The following EPB41L1 variants were observed in gnomAD, a reference collection of about 807,000 sequenced individuals.
EPB41L1 encodes band 4.1-like protein 1.
Under a neutral mutation model 97.8 loss-of-function variants are expected in EPB41L1, and 29 were observed. The observed-to-expected ratio is 0.30, with a 90% confidence interval of 0.22 to 0.40. EPB41L1 has a LOEUF of 0.40. Ranked by LOEUF, EPB41L1 falls within the 10% of genes least tolerant of loss-of-function variation. EPB41L1 has a pLI of 1.00. For synonymous variants in EPB41L1, 383 were observed against 459.2 expected, an observed-to-expected ratio of 0.83 and a Z score of 2.12; for missense variants, 812 against 1,162.3, an observed-to-expected ratio of 0.70 and a Z score of 4.38.
At chr20:36,196,621 T>G (rs1420379052) in intron 13 of EPB41L1, among the ~76,000 whole-genome samples, 1 of 152,202 alleles carries the variant, frequency 6.6e-6, no homozygotes, top group African/African-American at 2.4e-5. Context: ...CCATAGTGGA[T>G]CCTTGGGTAC....
At chr20:36,196,531 C>T (rs371497191) in intron 13 of EPB41L1, among the ~76,000 whole-genome samples, 2 of 152,280 alleles carry the variant, frequency 1.3e-5, no homozygotes, top group South Asian at 2.1e-4. Flanking sequence ...AAGGGATGCC[C>T]GAGGAACAGA....
chr20:36,097,310 T>C (rs1488384308), intron 1 of EPB41L1, among the ~76,000 whole-genome samples: 3 of 152,164 alleles, frequency 2.0e-5, no homozygotes, highest in Non-Finnish European at 4.4e-5. Context: ...ATGTACTAGC[T>C]GGGGGGACTA....
rs1342649509 is a variant in EPB41L1, at chr20:36,154,918, G to T, written c.-15+22G>T. 1.8e-6 allele frequency: 2 copies of T among 1,101,554 alleles called. No individual in the cohort carries two copies. Among genetic ancestry groups the T allele is most frequent in the Non-Finnish European group, 2.2e-6 (2 of 895,494 alleles). The allele number at this position is 1,101,554 out of a possible 1,614,324, so 68.2% of individuals were successfully genotyped here. On this transcript the variant is annotated intron_variant, in intron 1 of 21. Transcript: ENST00000338074. The surrounding 1 kb of genome is among the most constrained non-coding windows in gnomAD (Gnocchi z 5.5). ...CCAGGTAGGCACATGGGGGAATCAG[G>T]TGGCTCTCGGGGCCGGGGGCTTGCA...
In EPB41L1 at chr20:36,219,819, C is replaced by T; in HGVS notation, c.2414C>T (p.Thr805Ile). The change falls in exon 19 of 22, where the codon ACC becomes ATC. Residue 805 changes from threonine to isoleucine, a missense_variant. Thr to Ile is a moderately conservative substitution (Grantham distance 89, BLOSUM62 -1). Around this residue, in one of 3 missense-constraint regions of EPB41L1, gnomAD observed 498 missense variants for 622.7 expected, o/e 0.80. Coordinates refer to ENST00000338074, the MANE Select transcript of EPB41L1 (RefSeq NM_012156.2). ...TYGATAETLS[T>I]STTTHVTKTV... ...GGCGCCACTGCGGAAACCCTCTCAA[C>T]CTCCACCACCACCCATGTCACCAAA... The T allele has an allele frequency of 6.2e-7, 1 of 1,614,240 alleles. No individual in the cohort carries two copies. The highest frequency in any genetic ancestry group is 8.5e-7 in the Non-Finnish European group (1 of 1,180,038).
chr20:36,109,096 A>C (rs2058301166), intron 1 of EPB41L1, among the ~76,000 whole-genome samples: 1 of 151,796 alleles, frequency 6.6e-6, no homozygotes, highest in African/African-American at 2.4e-5. Flanking sequence ...GGCGCCTGCC[A>C]CCACGCCCGG....
Position 36,185,155 on chromosome 20 carries a change from C to T in EPB41L1, c.605C>T (p.Thr202Met), listed in dbSNP as rs377709134. The change falls in exon 7 of 22, where the codon ACG (threonine) becomes ATG (methionine). Residue 202 changes from threonine to methionine, a missense_variant. Physicochemically the swap from Thr to Met is moderately conservative, Grantham distance 81. Around this residue, in one of 3 missense-constraint regions of EPB41L1, gnomAD observed 230 missense variants for 445.2 expected, o/e 0.52. Transcript: ENST00000338074. ...LCLQLRADII[T>M]GRLPCSFVTH... Reference sequence around the variant, plus strand: ...CTGCAGCTGCGGGCAGACATCATCACGGGCCGGCTGCCATGCTCCTTTGTC... The same window carrying T: ...CTGCAGCTGCGGGCAGACATCATCATGGGCCGGCTGCCATGCTCCTTTGTC... 60 of 1,612,690 alleles carry T rather than the reference C, an allele frequency of 3.7e-5. No individual in the cohort carries two copies. Among genetic ancestry groups the T allele is most frequent in the African/African-American group, 1.9e-4 (14 of 74,886 alleles).
rs527730496 is a variant in EPB41L1, at chr20:36,182,026, G to C, written c.491-246G>C. ...TGTAAAGCAATTAACAGTGTGCCTG[G>C]CATGCAGCGTCAGTTTTCTTTCTTT... On this transcript the variant is annotated intron_variant, in intron 5 of 21. Coordinates refer to ENST00000338074, the MANE Select transcript of EPB41L1 (RefSeq NM_012156.2). Among the ~76,000 whole-genome samples, 79 of 152,296 alleles carry C rather than the reference G, an allele frequency of 5.2e-4. 1 individual carries two copies. Among genetic ancestry groups the C allele is most frequent in the African/African-American group, 1.9e-3 (78 of 41,548 alleles).
chr20:36,169,932 C>T (rs960981511), intron 1 of EPB41L1, among the ~76,000 whole-genome samples: 3 of 152,216 alleles, frequency 2.0e-5, no homozygotes, highest in African/African-American at 7.2e-5. Flanking sequence ...GGAACCAGCA[C>T]GTGCTTCCCT....
upstream of EPB41L1, among the ~76,000 whole-genome samples, chr20:36,150,061 GGTTTTTTT>G (rs1173385712): frequency 1.3e-5 from 2 of 151,632 alleles, no homozygotes; most frequent in African/African-American, 4.8e-5. Flanking sequence ...ACATTCATAA[GGTTTTTTT>G]GTTTTTTTTT....
At chr20:36,229,299 C>A (rs1381923300) in intron 21 of EPB41L1, 33 bp from the exon 22 acceptor site, 3 of 1,573,824 alleles carry the variant, frequency 1.9e-6, no homozygotes, top group Non-Finnish European at 2.6e-6. Context: ...CCACTCCCCA[C>A]CCCCCATTCT....
rs551762856 is a variant in EPB41L1, at chr20:36,202,684, G to A, written c.1668+4643G>A. ...AATAATAAGCTGGGCGTGGTGGCGCGTGCCTGTAATCCTAGCTACTGGGGA... is the reference window on the plus strand; with the variant it reads ...AATAATAAGCTGGGCGTGGTGGCGCATGCCTGTAATCCTAGCTACTGGGGA... On this transcript the variant is annotated intron_variant, in intron 14 of 21. Coordinates refer to ENST00000338074, the MANE Select transcript of EPB41L1 (RefSeq NM_012156.2). Among the ~76,000 whole-genome samples the A allele has an allele frequency of 1.6e-4, 24 of 151,802 alleles. 1 individual carries two copies. The South Asian group carries it at 3.5e-3, about 22-fold the overall frequency.
chr20:36,192,846 A>G (rs1764991563), intron 11 of EPB41L1, among the ~76,000 whole-genome samples: 2 of 152,200 alleles, frequency 1.3e-5, no homozygotes, highest in Admixed American at 1.3e-4. Flanking sequence ...AGGGACAGAA[A>G]TGGCTCTGCA....
In EPB41L1 at chr20:36,207,340, A is replaced by G; in HGVS notation, c.1669-2148A>G. 1 of 1,287,384 alleles carries G rather than the reference A, an allele frequency of 7.8e-7. No individual in the cohort carries two copies. Among genetic ancestry groups the G allele is most frequent in the Non-Finnish European group, 1.0e-6 (1 of 987,220 alleles). 79.7% of individuals were successfully genotyped at this position (1,287,384 alleles called of 1,614,324 possible). On this transcript the variant is annotated intron_variant, in intron 14 of 21. Coordinates refer to ENST00000338074, the MANE Select transcript of EPB41L1 (RefSeq NM_012156.2). This position sits in a 1 kb window ranked among gnomAD's most constrained non-coding sequence, Gnocchi z 4.9. ...AGTCCCTGAAGAAGCTGAGGGGCGC[A>G]TACCTCTGGGGTTTGGGTTCCCTTC...
intron 2 of EPB41L1, among the ~76,000 whole-genome samples, chr20:36,136,732 C>T (rs1460776402): frequency 2.0e-5 from 3 of 150,180 alleles, no homozygotes; most frequent in African/African-American, 7.5e-5. Flanking sequence ...GCTACAGGTG[C>T]ATACCGTGGT....
rs1207270273 is a variant in EPB41L1 at position 36,093,097 on chromosome 20, TGTGTGCGCCGG to T, written c.-65+1492_-65+1502del. The T allele has an allele frequency of 1.3e-5, 2 of 152,998 alleles. No individual in the cohort carries two copies. Among genetic ancestry groups the T allele is most frequent in the African/African-American group, 4.8e-5 (2 of 41,382 alleles). The allele number at this position is 152,998 out of a possible 1,614,324, so 9.5% of individuals were successfully genotyped here. A position where few individuals can be genotyped will look rare whatever the true frequency, so the allele number is the denominator to read the frequency against. The stretch of plus-strand genomic sequence containing the variant: ...GCTGCTCGGTGTGCGCGCGCGTGCG[TGTGTGCGCCGG>T]GTGTGCATCTGTGTGTGCGTGTGTG... On this transcript the variant is annotated intron_variant, in intron 1 of 19. Transcript: ENST00000202028. This position sits in a 1 kb window ranked among gnomAD's most constrained non-coding sequence, Gnocchi z 5.4.
At chr20:36,185,383 A>T in intron 7 of EPB41L1, 48 bp downstream of exon 7, 1 of 1,564,126 alleles carries the variant, frequency 6.4e-7, no homozygotes, top group Non-Finnish European at 8.7e-7. Context: ...GGCCAGTGGG[A>T]GCCTTCCTTG....
At chr20:36,215,892 C>T (rs2063413201) in intron 17 of EPB41L1, among the ~76,000 whole-genome samples, 1 of 152,186 alleles carries the variant, frequency 6.6e-6, no homozygotes, top group Non-Finnish European at 1.5e-5. Flanking sequence ...CAGCGGAGAA[C>T]AAGGCCCAGC....
chr20:36,199,900 G>A (rs2062406450), intron 14 of EPB41L1, among the ~76,000 whole-genome samples: 1 of 152,170 alleles, frequency 6.6e-6, no homozygotes, highest in African/African-American at 2.4e-5. Context: ...AGTGTAGCCT[G>A]GTGTAGGGTG....
chr20:36,174,026 G>T (rs961374663), intron 2 of EPB41L1, 72 bp downstream of exon 2: 46 of 1,510,162 alleles, frequency 3.0e-5, no homozygotes, highest in Non-Finnish European at 3.9e-5. Flanking sequence ...TAGGGCTCCA[G>T]TATTTTTTCT....
Sources: gnomAD v4.1 joint callset for allele counts (sites outside exome capture counted in the v4.1 genomes callset) on GRCh38, gnomAD v4.1.1 for gene constraint, gnomAD v4.1.1 regional missense constraint, Gnocchi (gnomAD v3.1) non-coding constraint, MANE v1.5 for transcripts, NCBI Gene and HGNC (gene_info 2026-07-23, HGNC 2026-07-21) for gene names.